ALK: variants seen among roughly 807,000 people sequenced by gnomAD.
ALK encodes ALK tyrosine kinase receptor.
A neutral mutation model predicts 163.1 loss-of-function variants in ALK; 74 were observed. The observed-to-expected ratio is 0.45, with a 90% CI of 0.38 to 0.55. ALK has a LOEUF of 0.55. Ranked by LOEUF, ALK falls within the 20% of genes least tolerant of loss-of-function variation. The pLI is 0.00. For synonymous variants in ALK, 960 were observed against 843.2 expected (o/e 1.14, Z -2.40); for missense variants, 2,063 against 2,105.3 (o/e 0.98, Z 0.39).
chr2:29,831,623 C>G (rs1665422574), intron 1 of ALK, among the ~76,000 whole-genome samples: 1 of 152,136 alleles, frequency 6.6e-6, no homozygotes. Context: ...ACTTTTACAA[C>G]TCAAGTCTGG....
rs1573303556 is a variant in ALK, at chr2:29,383,847, G to A, written c.1167C>T (p.Leu389=). Residue 389 remains leucine (L), a synonymous_variant, in exon 5 of 29, where the codon CTC becomes CTT. Transcript: ENST00000389048. ...PTPGKHGWTV[L]QGRIGRPDNP... ...TGTCTGGACGCCCGATTCTTCCCTG[G>A]AGCACTGTCCAACTGGTTGCATTGG... 6 of 1,614,090 alleles carry A rather than the reference G, an allele frequency of 3.7e-6. No individual in the cohort carries two copies. Among genetic ancestry groups the A allele is most frequent in the Non-Finnish European group, 5.1e-6 (6 of 1,179,984 alleles).
rs139495248 is a variant in ALK at position 29,623,812 on chromosome 2, C to G, written c.952+71038G>C. On this transcript the variant is annotated intron_variant, in intron 3 of 28. Transcript: ENST00000389048. ...ACATTTCTATAATGGGCTTATACTA[C>G]CTTTATAACAGAACAATATTTGAAA... Among the ~76,000 whole-genome samples the G allele has an allele frequency of 5.9e-5, 9 of 152,248 alleles. No individual in the cohort carries two copies. The East Asian group carries it at 1.5e-3, about 26-fold the overall frequency.
intron 1 of ALK, among the ~76,000 whole-genome samples, chr2:29,917,757 A>T (rs1335738591): frequency 6.6e-6 from 1 of 152,182 alleles, no homozygotes; most frequent in African/African-American, 2.4e-5. Flanking sequence ...GTCTCTCTGG[A>T]GGTCATGGGG....
chr2:29,601,917 G>C (rs1040895260), intron 3 of ALK, among the ~76,000 whole-genome samples: 1 of 152,042 alleles, frequency 6.6e-6, no homozygotes, highest in Non-Finnish European at 1.5e-5. Flanking sequence ...GACAGAGATA[G>C]AGAGCCCCAG....
intron 4 of ALK, among the ~76,000 whole-genome samples, chr2:29,483,879 G>A (rs1032942168): frequency 1.2e-4 from 18 of 152,098 alleles, no homozygotes; most frequent in South Asian, 2.1e-4. Flanking sequence ...AGACATACCC[G>A]AGACTGGGTA....
chr2:29,202,121 GACTTGATTTCATTCCTCAGCAAGCAAGCT>G (rs1408882592), intron 26 of ALK, among the ~76,000 whole-genome samples: 6 of 152,120 alleles, frequency 3.9e-5, no homozygotes, highest in African/African-American at 1.4e-4. Context: ...CGACCATCAG[GACTTGATTTCATTCCTCAGCAAGCAAGCT>G]AGGCTCCTTC....
chr2:29,243,610 G>A (rs1402005582), intron 12 of ALK, among the ~76,000 whole-genome samples: 3 of 152,174 alleles, frequency 2.0e-5, no homozygotes, highest in African/African-American at 7.2e-5. Context: ...TTGGGGTCAA[G>A]GCTGTTCAGT....
intron 4 of ALK, among the ~76,000 whole-genome samples, chr2:29,419,451 T>C (rs1669964021): frequency 6.6e-6 from 1 of 151,344 alleles, no homozygotes; most frequent in Non-Finnish European, 1.5e-5. Context: ...TTGGAATGTG[T>C]TAAACAGAGA....
At chr2:29,862,547 A>C (rs1666322547) in intron 1 of ALK, among the ~76,000 whole-genome samples, 5 of 152,226 alleles carry the variant, frequency 3.3e-5, no homozygotes, top group Admixed American at 3.3e-4. Context: ...TAAAAAACCT[A>C]CAAATAAATT....
At chr2:29,906,472 A>T (rs970123797) in intron 1 of ALK, among the ~76,000 whole-genome samples, 4 of 152,178 alleles carry the variant, frequency 2.6e-5, no homozygotes, top group African/African-American at 9.7e-5. Flanking sequence ...GAAGGAGGAG[A>T]CAAAGAAAAA....
At chr2:29,368,809 C>T (rs544717888) in intron 5 of ALK, among the ~76,000 whole-genome samples, 2 of 152,298 alleles carry the variant, frequency 1.3e-5, no homozygotes, top group East Asian at 3.9e-4. Context: ...CTACTGCCAT[C>T]ATCCATCTGT....
intron 3 of ALK, among the ~76,000 whole-genome samples, chr2:29,532,722 C>T (rs545823115): frequency 1.5e-4 from 23 of 152,146 alleles, no homozygotes; most frequent in Non-Finnish European, 2.2e-4. Context: ...AAATGACCTG[C>T]GAGAAACCTA....
At chr2:29,571,916 C>T (rs1674387375) in intron 3 of ALK, among the ~76,000 whole-genome samples, 1 of 152,074 alleles carries the variant, frequency 6.6e-6, no homozygotes, top group South Asian at 2.1e-4. Flanking sequence ...ACCCCACTGG[C>T]AAGTACCTTT....
chr2:29,594,592 C>T (rs937919675), intron 3 of ALK, among the ~76,000 whole-genome samples: 8 of 151,908 alleles, frequency 5.3e-5, no homozygotes, highest in African/African-American at 1.9e-4. Flanking sequence ...CCATGCTTGG[C>T]TAATTTTTGT....
At chr2:29,883,024 T>C (rs948857095) in intron 1 of ALK, among the ~76,000 whole-genome samples, 1 of 151,602 alleles carries the variant, frequency 6.6e-6, no homozygotes, top group Non-Finnish European at 1.5e-5. Flanking sequence ...TAGAGAATTT[T>C]TTCATGAAGG....
intron 3 of ALK, among the ~76,000 whole-genome samples, chr2:29,656,408 G>A (rs1262759500): frequency 1.3e-5 from 2 of 152,136 alleles, no homozygotes; most frequent in East Asian, 1.9e-4. Flanking sequence ...CTGTAAGCAT[G>A]TATTTAAACC....
chr2:29,322,997 G>A (rs754753007), intron 6 of ALK, among the ~76,000 whole-genome samples: 17 of 152,192 alleles, frequency 1.1e-4, no homozygotes, highest in Non-Finnish European at 2.1e-4. Flanking sequence ...GGAGAGAACT[G>A]AGCCTGGATC....
intron 5 of ALK, among the ~76,000 whole-genome samples, chr2:29,341,318 G>T (rs1013307222): frequency 1.3e-5 from 2 of 152,186 alleles, no homozygotes; most frequent in African/African-American, 4.8e-5. Context: ...GATGATGGCT[G>T]CCCACTCATA....
chr2:29,830,713 TAAAAAAA>T (rs530774574), intron 1 of ALK, among the ~76,000 whole-genome samples: 224 of 28,920 alleles, frequency 7.7e-3, no homozygotes, highest in African/African-American at 0.016. Flanking sequence ...TAAAATAGTT[TAAAAAAA>T]AAAAAAAAAA....
Sources: gnomAD v4.1 joint callset for allele counts (sites outside exome capture counted in the v4.1 genomes callset) on GRCh38, gnomAD v4.1.1 for gene constraint, MANE v1.5 for transcripts, NCBI Gene and HGNC (gene_info 2026-07-23, HGNC 2026-07-21) for gene names.